ZFHX3: variants seen among roughly 807,000 people sequenced by gnomAD.
ZFHX3 encodes zinc finger homeobox 3, also known as zinc finger homeobox protein 3.
Under a neutral mutation model 279.1 loss-of-function variants are expected in ZFHX3, and 42 were observed. The ratio of observed to expected loss-of-function variants is 0.15; its 90% CI spans 0.12 to 0.19. ZFHX3 has a LOEUF of 0.19. Among genes scored for constraint, ZFHX3 ranks in the 10% least tolerant of loss-of-function variants. ZFHX3 has a pLI of 1.00. For missense variants in ZFHX3, 4,981 were observed against 4,754.0 expected, an observed-to-expected ratio of 1.05 and a Z score of -1.40; for synonymous variants, 2,293 against 1,957.8, an observed-to-expected ratio of 1.17 and a Z score of -4.52.
rs915548328 is a variant in ZFHX3, at chr16:73,859,251, A to C, written c.-1608+32400T>G. On this transcript the variant is annotated intron_variant, in intron 1 of 17. Coordinates refer to the ZFHX3 transcript ENST00000641206. ...ATAAAAATGATCAATATAACCAGGC[A>C]CAATGGTAAAAGAACATCGCTAAAT... Among the ~76,000 whole-genome samples, 5 of 152,212 alleles carry C rather than the reference A, an allele frequency of 3.3e-5. No individual in the cohort carries two copies. The East Asian group carries it at 9.6e-4, about 29-fold the overall frequency.
chr16:73,477,859 C>G (rs1166674668), intron 2 of ZFHX3, among the ~76,000 whole-genome samples: 2 of 152,226 alleles, frequency 1.3e-5, no homozygotes, highest in East Asian at 1.9e-4. Context: ...GAACTCTGAA[C>G]TAGCATCTCA....
chr16:72,997,022 C>G (rs1316728891), intron 1 of ZFHX3, among the ~76,000 whole-genome samples: 1 of 152,168 alleles, frequency 6.6e-6, no homozygotes, highest in East Asian at 1.9e-4. Context: ...GCGCAAGATC[C>G]TGGTGCTCCG....
chr16:73,349,278 C>G (rs1196037690), intron 3 of ZFHX3, among the ~76,000 whole-genome samples: 2 of 152,168 alleles, frequency 1.3e-5, no homozygotes, highest in Non-Finnish European at 2.9e-5. Context: ...ACACACCATC[C>G]TCACACCCTT....
At chr16:73,119,190 A>G (rs1268700712) in intron 7 of ZFHX3, among the ~76,000 whole-genome samples, 2 of 152,040 alleles carry the variant, frequency 1.3e-5, no homozygotes, top group Non-Finnish European at 2.9e-5. Context: ...TGCAGCCTCA[A>G]ACTTCTGTGC....
intron 7 of ZFHX3, among the ~76,000 whole-genome samples, chr16:73,113,803 T>TTA (rs1966404196): frequency 6.8e-6 from 1 of 147,274 alleles, no homozygotes; most frequent in African/African-American, 2.5e-5. Context: ...CTTTTTTTTT[T>TTA]TTTTTTTTTT....
At chr16:72,886,374 T>C (rs1393861086) in intron 4 of ZFHX3, among the ~76,000 whole-genome samples, 1 of 151,296 alleles carries the variant, frequency 6.6e-6, no homozygotes, top group Non-Finnish European at 1.5e-5. Context: ...TCCACTGAAG[T>C]TGCTCACACA....
At chr16:73,384,459 T>C (rs2016865697) in intron 3 of ZFHX3, among the ~76,000 whole-genome samples, 1 of 152,256 alleles carries the variant, frequency 6.6e-6, no homozygotes, top group South Asian at 2.1e-4. Flanking sequence ...GCAGTTAGTC[T>C]TGGAGACACC....
At chr16:73,721,913 T>C (rs76513884) in intron 1 of ZFHX3, among the ~76,000 whole-genome samples, 2,621 of 152,204 alleles carry the variant, frequency 0.017, 77 homozygotes, top group African/African-American at 0.06. Context: ...GATGTGATGA[T>C]GCAAGCCTGT....
chr16:72,985,925 T>A (rs1043993455), intron 1 of ZFHX3, among the ~76,000 whole-genome samples: 21 of 152,168 alleles, frequency 1.4e-4, no homozygotes, highest in African/African-American at 5.1e-4. Context: ...GCCAAGCAGA[T>A]GATAAAACTG....
intron 5 of ZFHX3, among the ~76,000 whole-genome samples, chr16:73,144,682 C>A (rs1377370696): frequency 6.6e-6 from 1 of 152,148 alleles, no homozygotes; most frequent in Non-Finnish European, 1.5e-5. Context: ...AGAAGACATT[C>A]CCTAACCTTG....
intron 1 of ZFHX3, among the ~76,000 whole-genome samples, chr16:72,965,634 C>T (rs1377653219): frequency 2.6e-5 from 4 of 152,130 alleles, no homozygotes; most frequent in African/African-American, 9.7e-5. Context: ...AGAGAGACCA[C>T]ACACAAATAC....
intron 3 of ZFHX3, among the ~76,000 whole-genome samples, chr16:73,326,412 A>G (rs1460250958): frequency 6.6e-6 from 1 of 152,208 alleles, no homozygotes; most frequent in Non-Finnish European, 1.5e-5. Context: ...GGTGCTCATG[A>G]GTTTTAAAAC....
intron 1 of ZFHX3, among the ~76,000 whole-genome samples, chr16:72,965,281 T>C (rs1303393736): frequency 6.6e-6 from 1 of 152,188 alleles, no homozygotes; most frequent in Non-Finnish European, 1.5e-5. Context: ...CCTAAGGTGA[T>C]GGGATCCCAG....
intron 3 of ZFHX3, among the ~76,000 whole-genome samples, chr16:72,933,819 T>TC (rs1567591513): frequency 8.9e-6 from 1 of 111,962 alleles, no homozygotes; most frequent in Non-Finnish European, 1.8e-5. Flanking sequence ...CTTTCTTTTT[T>TC]TTTTTTTTTT....
rs370976962 is a variant in ZFHX3, at chr16:72,959,545, C to A, written c.601G>T (p.Ala201Ser). The change falls in exon 2 of 10, where the codon GCC becomes TCC. Residue 201 changes from alanine (A) to serine (S), a missense_variant. Physicochemically the swap from Ala to Ser is moderately conservative, Grantham distance 99. Around this residue, in one of 7 missense-constraint regions of ZFHX3, gnomAD observed 1,068 missense variants for 935.2 expected, o/e 1.14. Transcript: ENST00000268489. ...YPQIINTFHIASSFGKWFEGP... is the reference protein window; with the variant it reads ...YPQIINTFHISSSFGKWFEGP... ...TCAAACCATTTCCCGAAGGATGAGG[C>A]TATGTGGAAAGTGTTGATGATCTGC... The A allele has an allele frequency of 3.1e-6, 5 of 1,614,222 alleles. No individual in the cohort carries two copies. In the Admixed American group the frequency reaches 8.3e-5, roughly 27 times the overall value.
chr16:72,881,101 G>C (rs1461528106), intron 4 of ZFHX3, among the ~76,000 whole-genome samples: 1 of 152,212 alleles, frequency 6.6e-6, no homozygotes, highest in Non-Finnish European at 1.5e-5. Context: ...CCAGAAGTCT[G>C]AGGAAACCCA....
chr16:73,324,258 C>T (rs59094156), intron 3 of ZFHX3, among the ~76,000 whole-genome samples: 2,158 of 152,198 alleles, frequency 0.014, 44 homozygotes, highest in African/African-American at 0.05. Context: ...CTAACAGTGT[C>T]ATTCTTGGAG....
intron 1 of ZFHX3, among the ~76,000 whole-genome samples, chr16:73,735,918 A>G (rs1189439342): frequency 7.0e-5 from 1 of 14,350 alleles, no homozygotes; most frequent in Non-Finnish European, 2.4e-4. Context: ...TTTTTTTTTA[A>G]TGCTCTGAAG....
chr16:73,002,729 CTTTT>C (rs1262605057), intron 1 of ZFHX3, among the ~76,000 whole-genome samples: 1 of 152,004 alleles, frequency 6.6e-6, no homozygotes, highest in African/African-American at 2.4e-5. Context: ...ATCTTTGCTG[CTTTT>C]TTTTAAATTA....
Sources: allele counts gnomAD v4.1 joint callset (sites outside exome capture counted in the v4.1 genomes callset), GRCh38; gene constraint gnomAD v4.1.1; regional missense constraint gnomAD v4.1.1; transcripts MANE v1.5; gene names NCBI Gene and HGNC (gene_info 2026-07-23, HGNC 2026-07-21).